The following LCA5L variants were observed in gnomAD, a reference collection of about 807,000 sequenced individuals.
The protein encoded by LCA5L is lebercilin LCA5 like.
Under a neutral mutation model 45.4 loss-of-function variants are expected in LCA5L, and 35 were observed. The ratio of observed to expected loss-of-function variants is 0.77; its 90% CI spans 0.59 to 1.02. LCA5L has a LOEUF of 1.02. LCA5L is among the 50% of genes least tolerant of loss of function. LCA5L has a pLI of 0.00. For missense variants in LCA5L, 668 were observed against 761.6 expected, an observed-to-expected ratio of 0.88 and a Z score of 1.45; for synonymous variants, 233 against 264.7, an observed-to-expected ratio of 0.88 and a Z score of 1.16.
chr21:39,441,508 G>A (rs999075871), intron 2 of LCA5L, among the ~76,000 whole-genome samples: 4 of 152,128 alleles, frequency 2.6e-5, no homozygotes, highest in East Asian at 1.9e-4. Flanking sequence ...ATATATATAA[G>A]CAATTTCAAG....
Position 39,423,376 on chromosome 21 carries a change from G to C in LCA5L, c.437C>G (p.Ala146Gly). 1 of 1,612,066 alleles carries C rather than the reference G, an allele frequency of 6.2e-7. No individual in the cohort carries two copies. Among genetic ancestry groups the C allele is most frequent in the Non-Finnish European group, 8.5e-7 (1 of 1,179,804 alleles). ...RDAMAHRILSARLHKIKGLKN... is the reference protein window; with the variant it reads ...RDAMAHRILSGRLHKIKGLKN... ...TAGTCCTTTAATTTTATGAAGCCTTGCTGAGAGTATTCGATGAGCCATAGC... is the reference window on the plus strand; with the variant it reads ...TAGTCCTTTAATTTTATGAAGCCTTCCTGAGAGTATTCGATGAGCCATAGC... The change falls in exon 6 of 11, where the codon GCA (alanine) becomes GGA (glycine). Residue 146 changes from alanine (A) to glycine (G), a missense_variant. Physicochemically the swap from Ala to Gly is moderately conservative, Grantham distance 60 (BLOSUM62 0). Coordinates refer to ENST00000288350, the MANE Select transcript of LCA5L (RefSeq NM_152505.4).
At chr21:39,436,461 A>G (rs1375110699) in intron 2 of LCA5L, among the ~76,000 whole-genome samples, 1 of 152,174 alleles carries the variant, frequency 6.6e-6, no homozygotes, top group Non-Finnish European at 1.5e-5. Flanking sequence ...TTTCTGGCTG[A>G]AATTATTCTA....
intron 5 of LCA5L, among the ~76,000 whole-genome samples, chr21:39,423,893 G>A (rs556259619): frequency 1.3e-5 from 2 of 152,306 alleles, no homozygotes; most frequent in South Asian, 4.2e-4. Context: ...AGTGGCTCAT[G>A]TCTGTAATCT....
chr21:39,433,228 C>A (rs919807523), intron 3 of LCA5L, among the ~76,000 whole-genome samples: 4 of 151,858 alleles, frequency 2.6e-5, no homozygotes, highest in African/African-American at 9.7e-5. Flanking sequence ...ACCAGCCTGG[C>A]CAACAAATTT....
chr21:39,406,480 A>G lies in LCA5L; in HGVS notation c.1415T>C (p.Ile472Thr), dbSNP rs747455420. The change falls in exon 11 of 11, where the codon ATA becomes ACA. Residue 472 changes from isoleucine (I) to threonine (T), a missense_variant. Physicochemically the swap from Ile to Thr is moderately conservative, Grantham distance 89. Transcript: ENST00000288350. ...VKEEQELPPK[I>T]IEVIHPERES... ...TCTTTCAGGATGAATAACTTCAATT[A>G]TTTTTGGTGGTAGTTCTTGCTCTTC... is the stretch of plus-strand genomic sequence containing the variant. 1.2e-6 allele frequency: 2 copies of G among 1,613,844 alleles called. No individual in the cohort carries two copies. The highest frequency in any genetic ancestry group is 1.7e-6 in the Non-Finnish European group (2 of 1,179,954).
intron 4 of LCA5L, 78 bp from the exon 5 acceptor site, chr21:39,428,581 T>C (rs1569111920): frequency 3.0e-5 from 1 of 32,916 alleles, no homozygotes; most frequent in East Asian, 6.2e-4. Flanking sequence ...CTTTATTTTA[T>C]ATATATATAT....
chr21:39,417,153 C>G (rs1005435986), intron 7 of LCA5L, among the ~76,000 whole-genome samples: 5 of 152,212 alleles, frequency 3.3e-5, no homozygotes, highest in African/African-American at 1.2e-4. Context: ...CTGCCCCAGC[C>G]TCCTGAGTAG....
At chr21:39,424,034 A>T (rs1017739487) in intron 5 of LCA5L, among the ~76,000 whole-genome samples, 2 of 151,746 alleles carry the variant, frequency 1.3e-5, no homozygotes, top group African/African-American at 4.8e-5. Flanking sequence ...TTTTTTTGAG[A>T]TGGAGTCTCC....
intron 1 of LCA5L, among the ~76,000 whole-genome samples, chr21:39,445,257 T>C (rs1222128245): frequency 2.0e-5 from 3 of 149,762 alleles, no homozygotes; most frequent in East Asian, 2.0e-4. Context: ...TCCTACGAGA[T>C]AGGGAGATGC....
chr21:39,445,636 G>GCGTA (rs1207673199), intron 1 of LCA5L, 89 bp downstream of exon 1: 1 of 152,654 alleles, frequency 6.6e-6, no homozygotes, highest in Non-Finnish European at 1.5e-5. Flanking sequence ...CCCAGAAAGA[G>GCGTA]CGTAGCAGGA....
At chr21:39,413,692 C>T (rs918388821) in intron 7 of LCA5L, 1 of 152,160 alleles carries the variant, frequency 6.6e-6, no homozygotes, top group Non-Finnish European at 1.5e-5. Flanking sequence ...CAGTTCATCA[C>T]CATGAAAAGT....
intron 2 of LCA5L, among the ~76,000 whole-genome samples, chr21:39,443,169 G>A (rs146666760): frequency 1.4e-3 from 212 of 152,308 alleles, no homozygotes; most frequent in African/African-American, 4.6e-3. Flanking sequence ...TACTGGCTGA[G>A]GAGTGAGAGA....
In LCA5L at chr21:39,417,797, G is replaced by A. The variant is rs547025855; in HGVS notation, c.975+2909C>T. ...TAATTTTTTTTTGAGATGGAGTCTC[G>A]CTCTGTCGCCCAGGCTGGAGTGCGG... On this transcript the variant is annotated intron_variant, in intron 7 of 10. Coordinates refer to ENST00000288350, the MANE Select transcript of LCA5L (RefSeq NM_152505.4). 8.2e-4 allele frequency among the ~76,000 whole-genome samples: 124 copies of A among 151,756 alleles called. 2 individuals are homozygous for A. The highest frequency in any genetic ancestry group is 1.3e-3 in the Non-Finnish European group (89 of 67,912).
At position 39,406,569 on chromosome 21, in the gene LCA5L, C is replaced by T. The variant is rs376585829; in HGVS notation, c.1326G>A (p.Leu442=). ...TGTCTTTTTGTCTTCCAGTATTCTC[C>T]AGCAGTATTTGGACTTCCAAATGTT... The part of the protein sequence containing the change: ...EEKHLEVQIL[L]ENTGRQKDKK... Residue 442 remains leucine (L), a synonymous_variant, in exon 11 of 11, where the codon CTG becomes CTA. Transcript: ENST00000288350. 126 of 1,604,078 alleles carry T rather than the reference C, an allele frequency of 7.9e-5. 2 individuals carry two copies. In the Middle Eastern group the frequency reaches 3.5e-3, roughly 44 times the overall value.
At chr21:39,441,789 TTTTTAA>T (rs776198596) in intron 2 of LCA5L, among the ~76,000 whole-genome samples, 21 of 152,240 alleles carry the variant, frequency 1.4e-4, no homozygotes, top group Admixed American at 3.3e-4. Context: ...CACAACATTC[TTTTTAA>T]TTTTCAGTGT....
At chr21:39,422,679 T>C (rs2073963570) in intron 6 of LCA5L, 1 of 472,336 alleles carries the variant, frequency 2.1e-6, no homozygotes, top group Non-Finnish European at 3.7e-6. Flanking sequence ...AAAAGTCCCT[T>C]AGCACTGTAG....
intron 7 of LCA5L, among the ~76,000 whole-genome samples, chr21:39,412,157 A>C (rs139133612): frequency 6.6e-6 from 1 of 152,330 alleles, no homozygotes; most frequent in East Asian, 1.9e-4. Context: ...AATGAAAGTA[A>C]AACTAAAATT....
chr21:39,444,935 G>A (rs2077286791), intron 1 of LCA5L, among the ~76,000 whole-genome samples: 1 of 152,082 alleles, frequency 6.6e-6, no homozygotes, highest in Non-Finnish European at 1.5e-5. Context: ...GATGTGGCAG[G>A]CAGCTAAATG....
At chr21:39,441,836 CTATTT>C (rs771353024) in intron 2 of LCA5L, among the ~76,000 whole-genome samples, 1 of 152,308 alleles carries the variant, frequency 6.6e-6, no homozygotes, top group Non-Finnish European at 1.5e-5. Flanking sequence ...GATTTTCATT[CTATTT>C]TAATAGAATT....
Sources: gnomAD v4.1 joint callset for allele counts (sites outside exome capture counted in the v4.1 genomes callset) on GRCh38, gnomAD v4.1.1 for gene constraint, MANE v1.5 for transcripts, NCBI Gene and HGNC (gene_info 2026-07-23, HGNC 2026-07-21) for gene names.